ADGRL3: variants seen among roughly 807,000 people sequenced by gnomAD.
ADGRL3 encodes the protein calcium-independent alpha-latrotoxin receptor 3.
A neutral mutation model predicts 153.5 loss-of-function variants in ADGRL3; 62 were observed. The ratio of observed to expected loss-of-function variants is 0.40; its 90% confidence interval spans 0.33 to 0.50. The LOEUF (loss-of-function observed/expected upper bound fraction) is 0.50. Among genes scored for constraint, ADGRL3 ranks in the 20% least tolerant of loss-of-function variants. ADGRL3 has a pLI of 0.47. For synonymous variants in ADGRL3, 710 were observed against 672.5 expected (o/e 1.06, Z -0.86); for missense variants, 1,641 against 1,859.4 (o/e 0.88, Z 2.16).
chr4:61,200,940 T>C lies in ADGRL3; in HGVS notation c.-1065T>C, dbSNP rs1018587366. Among the ~76,000 whole-genome samples, 6 of 151,606 alleles carry C rather than the reference T, an allele frequency of 4.0e-5. No homozygotes were observed. Among genetic ancestry groups the C allele is most frequent in the Non-Finnish European group, 8.8e-5 (6 of 67,860 alleles). On this transcript the variant is annotated 5_prime_UTR_variant, in exon 1 of 27. Coordinates refer to ENST00000683033, the MANE Select transcript of ADGRL3 (RefSeq NM_001387552.1). Reference sequence around the variant, plus strand: ...GCCCTCGGCGGCCGGGCGCCCGCTCTGTCTGCGCGCCCCCTCCGTGCACCG... The same window carrying C: ...GCCCTCGGCGGCCGGGCGCCCGCTCCGTCTGCGCGCCCCCTCCGTGCACCG...
intron 8 of ADGRL3, among the ~76,000 whole-genome samples, chr4:61,786,329 A>T (rs781491361): frequency 6.6e-6 from 1 of 152,106 alleles, no homozygotes; most frequent in Admixed American, 6.6e-5. Context: ...TCATTCATTC[A>T]CTCACTCATT....
chr4:61,874,753 A>G (rs1459744236), intron 9 of ADGRL3, among the ~76,000 whole-genome samples: 1 of 94,110 alleles, frequency 1.1e-5, no homozygotes, highest in South Asian at 3.3e-4. Context: ...CCACTTTTTC[A>G]TTTGTGTAAA....
intron 1 of ADGRL3, among the ~76,000 whole-genome samples, chr4:61,374,341 G>A (rs1328132882): frequency 1.3e-5 from 2 of 152,046 alleles, no homozygotes; most frequent in African/African-American, 4.8e-5. Flanking sequence ...TTAGAACTCT[G>A]TATAGGAAAG....
intron 8 of ADGRL3, among the ~76,000 whole-genome samples, chr4:61,787,894 A>T (rs2152418461): frequency 6.7e-6 from 1 of 150,134 alleles, no homozygotes. Context: ...CAGAGCACAT[A>T]AATTAAAACT....
chr4:61,456,417 ATATATC>A (rs1348906857), intron 2 of ADGRL3, among the ~76,000 whole-genome samples: 5 of 58,964 alleles, frequency 8.5e-5, no homozygotes, highest in African/African-American at 1.8e-4. Context: ...ATATATATAG[ATATATC>A]TATATCTATA....
chr4:61,463,927 C>T (rs931590319), intron 2 of ADGRL3, among the ~76,000 whole-genome samples: 9 of 152,120 alleles, frequency 5.9e-5, no homozygotes, highest in Admixed American at 1.3e-4. Flanking sequence ...TATTTTTCTG[C>T]AACTTGGTTC....
At chr4:62,066,047 C>G (rs907949627) in intron 25 of ADGRL3, among the ~76,000 whole-genome samples, 6 of 151,892 alleles carry the variant, frequency 4.0e-5, no homozygotes, top group African/African-American at 1.4e-4. Flanking sequence ...TTAATGTTTT[C>G]CAGAGTCAGA....
At position 61,750,990 on chromosome 4, in the gene ADGRL3, G is replaced by T. The variant is rs140275574; in HGVS notation, c.1399+17436G>T. ...GCAGAAGTTGAGCCGCAGATGTTGA[G>T]CAGCAGGTGAGCGAGCATTACTGCC... On this transcript the variant is annotated intron_variant, in intron 8 of 26. Transcript: ENST00000683033. Among the ~76,000 whole-genome samples, 43 of 152,248 alleles carry T rather than the reference G, an allele frequency of 2.8e-4. 1 individual carries two copies. The East Asian group carries it at 8.0e-3, about 28-fold the overall frequency.
chr4:61,540,507 C>T (rs1302648718), intron 4 of ADGRL3, among the ~76,000 whole-genome samples: 1 of 151,394 alleles, frequency 6.6e-6, no homozygotes, highest in Non-Finnish European at 1.5e-5. Context: ...AAGATTTTGC[C>T]ACCGCACTCT....
At chr4:61,702,192 C>T (rs1476729721) in intron 6 of ADGRL3, among the ~76,000 whole-genome samples, 2 of 152,066 alleles carry the variant, frequency 1.3e-5, no homozygotes, top group East Asian at 3.9e-4. Context: ...TTTTTTCATG[C>T]TTTCTAGATG....
chr4:61,834,690 C>T (rs986057596), intron 9 of ADGRL3, among the ~76,000 whole-genome samples: 2 of 152,108 alleles, frequency 1.3e-5, no homozygotes, highest in Admixed American at 1.3e-4. Context: ...AGTGAAACCA[C>T]TTTGTACCTG....
chr4:61,976,956 T>C (rs2099050257), intron 17 of ADGRL3, among the ~76,000 whole-genome samples: 1 of 152,156 alleles, frequency 6.6e-6, no homozygotes, highest in South Asian at 2.1e-4. Context: ...GTCATGGACA[T>C]ATAGGTGGTT....
intron 25 of ADGRL3, among the ~76,000 whole-genome samples, chr4:62,059,655 A>C (rs1482121483): frequency 6.6e-6 from 1 of 152,160 alleles, no homozygotes; most frequent in African/African-American, 2.4e-5. Flanking sequence ...CATGACACTC[A>C]TTATAGCTAC....
chr4:61,913,366 AC>A (rs1281073843), intron 13 of ADGRL3, among the ~76,000 whole-genome samples: 2 of 152,284 alleles, frequency 1.3e-5, no homozygotes, highest in East Asian at 3.9e-4. Context: ...ACAGAGAACA[AC>A]CTTAGAAGCA....
rs2098504189 is a variant in ADGRL3 at position 61,517,501 on chromosome 4, C to A, written c.242C>A (p.Ala81Glu). 5.6e-6 allele frequency: 4 copies of A among 713,004 alleles called. No homozygotes were observed. The Admixed American group carries it at 6.0e-5, about 11-fold the overall frequency. The allele number at this position is 713,004 out of a possible 1,614,324, so 44.2% of individuals were successfully genotyped here. A position where few individuals can be genotyped will look rare whatever the true frequency, so the allele number is the denominator to read the frequency against. ...RGVRGPGAQG[A>E]QIAAQAFSRA... ...GTTCGCGGTCCAGGTGCCCAAGGAG[C>A]ACAGATTGCAGCGCAAGGTGCGGCC... Residue 81 changes from alanine to glutamate, a missense_variant, in exon 4 of 27, where the codon GCA becomes GAA. By Grantham distance (107) the Ala-to-Glu change is moderately radical (BLOSUM62 -1). Coordinates refer to ENST00000683033, the MANE Select transcript of ADGRL3 (RefSeq NM_001387552.1).
At chr4:61,619,905 T>A (rs2092373838) in intron 5 of ADGRL3, among the ~76,000 whole-genome samples, 1 of 152,230 alleles carries the variant, frequency 6.6e-6, no homozygotes, top group Non-Finnish European at 1.5e-5. Context: ...CAGCTTCTCA[T>A]TCTTGTAACG....
chr4:61,582,572 T>C (rs910308805), intron 4 of ADGRL3, among the ~76,000 whole-genome samples: 8 of 152,070 alleles, frequency 5.3e-5, no homozygotes, highest in Non-Finnish European at 8.8e-5. Flanking sequence ...CCATATTTTC[T>C]TTAACCAGTC....
At chr4:61,267,935 A>C (rs576522087) in intron 1 of ADGRL3, among the ~76,000 whole-genome samples, 2 of 151,838 alleles carry the variant, frequency 1.3e-5, no homozygotes, top group South Asian at 4.1e-4. Flanking sequence ...AAAATAAAAC[A>C]TCCTAATCAA....
chr4:61,805,058 C>T (rs754057126), intron 8 of ADGRL3, among the ~76,000 whole-genome samples: 7 of 151,634 alleles, frequency 4.6e-5, no homozygotes, highest in East Asian at 1.9e-4. Context: ...CGGATTCAAG[C>T]GATTCTCCTG....
Sources: allele counts gnomAD v4.1 joint callset (sites outside exome capture counted in the v4.1 genomes callset), GRCh38; gene constraint gnomAD v4.1.1; transcripts MANE v1.5; gene names NCBI Gene and HGNC (gene_info 2026-07-23, HGNC 2026-07-21).